The following GPHN variants were observed in gnomAD, a reference collection of about 807,000 sequenced individuals.
The protein encoded by GPHN is gephyrin.
Under a neutral mutation model 95.5 loss-of-function variants are expected in GPHN, and 17 were observed. That is an observed-to-expected ratio of 0.18 (90% CI 0.12 to 0.27). The LOEUF (loss-of-function observed/expected upper bound fraction) is 0.27. Ranked by LOEUF, GPHN falls within the 10% of genes least tolerant of loss-of-function variation. GPHN has a pLI of 1.00. For missense variants in GPHN, 660 were observed against 978.1 expected (o/e 0.67, Z 4.34); for synonymous variants, 320 against 322.5 (o/e 0.99, Z 0.08).
chr14:67,550,081 C>G, the GPHN span, among the ~76,000 whole-genome samples: 1 of 151,320 alleles, frequency 6.6e-6, no homozygotes, highest in Non-Finnish European at 1.5e-5. Context: ...AGCCCTTTCT[C>G]TTCCCAGCTC....
the GPHN span, chr14:67,691,115 T>C: frequency 1.9e-6 from 3 of 1,541,550 alleles, no homozygotes; most frequent in Non-Finnish European, 2.7e-6. Context: ...TCTCTCTAGC[T>C]TTGTGATAAG....
chr14:67,706,454 A>T, the GPHN span, among the ~76,000 whole-genome samples: 1 of 152,202 alleles, frequency 6.6e-6, no homozygotes, highest in African/African-American at 2.4e-5. Context: ...GGTTTTATAC[A>T]TTCTAGGGAG....
At chr14:66,748,700 G>A (rs1478940579) in intron 2 of GPHN, among the ~76,000 whole-genome samples, 1 of 151,910 alleles carries the variant, frequency 6.6e-6, no homozygotes, top group African/African-American at 2.4e-5. Context: ...TATGTAGTGA[G>A]AGATATTAGA....
chr14:67,325,870 G>C, the GPHN span, among the ~76,000 whole-genome samples: 5 of 150,706 alleles, frequency 3.3e-5, no homozygotes, highest in African/African-American at 9.8e-5. Context: ...ATGCAGTGGC[G>C]TAATCTTGGC....
intron 1 of GPHN, among the ~76,000 whole-genome samples, chr14:66,619,991 A>G (rs1402708441): frequency 6.6e-6 from 1 of 152,106 alleles, no homozygotes. Flanking sequence ...TCAGGATTTG[A>G]TCGCCAGTGT....
At chr14:67,405,224 CAA>C in the GPHN span, among the ~76,000 whole-genome samples, 2 of 40,482 alleles carry the variant, frequency 4.9e-5, no homozygotes, top group East Asian at 6.8e-4. Flanking sequence ...GAGTCCATCT[CAA>C]AAAAAAAAAA....
chr14:67,634,913 A>C, the GPHN span, among the ~76,000 whole-genome samples: 1 of 152,080 alleles, frequency 6.6e-6, no homozygotes, highest in Non-Finnish European at 1.5e-5. Context: ...CTCCTCTGAA[A>C]CTCTGAAGAA....
chr14:67,730,870 C>T, the GPHN span, among the ~76,000 whole-genome samples: 1 of 152,126 alleles, frequency 6.6e-6, no homozygotes, highest in Non-Finnish European at 1.5e-5. Flanking sequence ...TCCTAAAGTG[C>T]TGGGATTACA....
chr14:67,222,806 A>G, the GPHN span, among the ~76,000 whole-genome samples: 1 of 152,172 alleles, frequency 6.6e-6, no homozygotes, highest in Non-Finnish European at 1.5e-5. Flanking sequence ...AGTCATGCAC[A>G]TAAAAGAACA....
At chr14:66,529,091 C>T (rs2058807790) in intron 1 of GPHN, among the ~76,000 whole-genome samples, 1 of 152,186 alleles carries the variant, frequency 6.6e-6, no homozygotes, top group African/African-American at 2.4e-5. Flanking sequence ...CCATCACTTT[C>T]ATGTACACCA....
intron 4 of GPHN, among the ~76,000 whole-genome samples, chr14:66,836,678 T>C (rs1202258062): frequency 2.1e-5 from 3 of 144,968 alleles, no homozygotes; most frequent in Non-Finnish European, 3.0e-5. Context: ...GGGAGAAAAT[T>C]TTCGCAACCT....
chr14:66,706,932 C>T (rs914127066), intron 2 of GPHN, among the ~76,000 whole-genome samples: 6 of 152,038 alleles, frequency 3.9e-5, no homozygotes, highest in Non-Finnish European at 7.4e-5. Flanking sequence ...GGTCTAATAT[C>T]CAGAATTCAT....
Position 66,986,311 on chromosome 14 carries a change from A to G in GPHN, c.963+20986A>G, listed in dbSNP as rs180921618. On this transcript the variant is annotated intron_variant, in intron 9 of 22. Transcript: ENST00000478722. ...AGCTGATAGTAGTTATGCCCTCTTAATCCCCTCTGTTTTATTTTTTAAATT... is the reference window on the plus strand; with the variant it reads ...AGCTGATAGTAGTTATGCCCTCTTAGTCCCCTCTGTTTTATTTTTTAAATT... Among the ~76,000 whole-genome samples the G allele has an allele frequency of 2.7e-3, 411 of 152,144 alleles. 1 individual carries two copies. The highest frequency in any genetic ancestry group is 6.8e-3 in the Middle Eastern group (2 of 294).
the GPHN span, among the ~76,000 whole-genome samples, chr14:67,733,585 T>C: frequency 6.6e-6 from 1 of 152,220 alleles, no homozygotes; most frequent in Non-Finnish European, 1.5e-5. Context: ...CACAAATTTG[T>C]TTTTAAAATA....
the GPHN span, chr14:67,642,169 C>G: frequency 6.2e-7 from 1 of 1,611,166 alleles, no homozygotes; most frequent in South Asian, 1.1e-5. Flanking sequence ...ATCTTGTCAT[C>G]CCTCATTTGC....
At chr14:67,536,867 C>A in the GPHN span, among the ~76,000 whole-genome samples, 1 of 151,638 alleles carries the variant, frequency 6.6e-6, no homozygotes, top group Non-Finnish European at 1.5e-5. Flanking sequence ...ATGGTGAAAC[C>A]CTGTCTCTAC....
the GPHN span, among the ~76,000 whole-genome samples, chr14:67,679,935 G>A: frequency 3.3e-5 from 5 of 152,168 alleles, no homozygotes; most frequent in African/African-American, 1.2e-4. Flanking sequence ...AATTCTGAAG[G>A]TGAAAGAGTT....
At chr14:67,426,542 G>A in the GPHN span, among the ~76,000 whole-genome samples, 2 of 152,254 alleles carry the variant, frequency 1.3e-5, no homozygotes, top group Non-Finnish European at 2.9e-5. Context: ...TGCCGGGTTC[G>A]GGGGACAGTG....
intron 2 of GPHN, among the ~76,000 whole-genome samples, chr14:66,704,444 A>G (rs1242061203): frequency 6.6e-6 from 1 of 152,146 alleles, no homozygotes; most frequent in African/African-American, 2.4e-5. Context: ...ATGCAAAAGA[A>G]CTGAAATCAT....
Sources: gnomAD v4.1 joint callset for allele counts (sites outside exome capture counted in the v4.1 genomes callset) on GRCh38, gnomAD v4.1.1 for gene constraint, MANE v1.5 for transcripts, NCBI Gene and HGNC (gene_info 2026-07-23, HGNC 2026-07-21) for gene names.